Variants in STK32B observed in about 807,000 individuals in gnomAD.
STK32B encodes serine/threonine kinase 32B.
STK32B carries 43 observed loss-of-function variants against 52.6 expected under a neutral mutation model. The observed-to-expected ratio is 0.82, with a 90% CI of 0.64 to 1.05. STK32B has a LOEUF of 1.05. Among genes scored for constraint, STK32B ranks in the 50% least tolerant of loss-of-function variants. The pLI, the probability that STK32B is intolerant of heterozygous loss-of-function variation, is 0.00. For missense variants in STK32B, 621 were observed against 534.6 expected (o/e 1.16, Z -1.59); for synonymous variants, 238 against 204.3 (o/e 1.17, Z -1.41).
At chr4:5,251,039 C>T (rs188895895) in intron 3 of STK32B, among the ~76,000 whole-genome samples, 6 of 152,080 alleles carry the variant, frequency 3.9e-5, no homozygotes, top group South Asian at 2.1e-4. Flanking sequence ...GTTTCTTTTG[C>T]GGGACAGAAG....
At chr4:5,267,564 A>T (rs1380363808) in intron 3 of STK32B, among the ~76,000 whole-genome samples, 1 of 152,170 alleles carries the variant, frequency 6.6e-6, no homozygotes, top group Non-Finnish European at 1.5e-5. Context: ...GCTCCAGTAA[A>T]TTAAGTGACT....
chr4:5,072,169 A>G (rs1711824464), intron 1 of STK32B, among the ~76,000 whole-genome samples: 1 of 152,216 alleles, frequency 6.6e-6, no homozygotes, highest in Non-Finnish European at 1.5e-5. Context: ...ATAGTTATTT[A>G]AAATACCACT....
At chr4:5,085,683 A>G (rs1712693966) in intron 1 of STK32B, among the ~76,000 whole-genome samples, 1 of 152,220 alleles carries the variant, frequency 6.6e-6, no homozygotes, top group African/African-American at 2.4e-5. Context: ...AATTGTTAGA[A>G]GTAACTTTTT....
chr4:5,235,065 A>C (rs1724532410), intron 3 of STK32B, among the ~76,000 whole-genome samples: 1 of 152,186 alleles, frequency 6.6e-6, no homozygotes, highest in Admixed American at 6.5e-5. Flanking sequence ...TTCGTTTCTC[A>C]AGCAGTCTTG....
intron 2 of STK32B, among the ~76,000 whole-genome samples, chr4:5,156,274 G>A (rs1043588304): frequency 1.3e-5 from 2 of 150,764 alleles, no homozygotes; most frequent in African/African-American, 4.9e-5. Context: ...TAATATAAAT[G>A]CATGAATATT....
At chr4:5,042,724 G>A in the STK32B span, among the ~76,000 whole-genome samples, 5 of 152,322 alleles carry the variant, frequency 3.3e-5, no homozygotes, top group East Asian at 7.7e-4. Flanking sequence ...GGAATGGGAG[G>A]AAGTCCAGTT....
At position 5,216,041 on chromosome 4, in the gene STK32B, A is replaced by G. The variant is rs16836884; in HGVS notation, c.260+47591A>G. 5.7e-3 allele frequency among the ~76,000 whole-genome samples: 873 copies of G among 152,318 alleles called. 4 individuals carry two copies. The highest frequency in any genetic ancestry group is 0.019 in the African/African-American group (804 of 41,560). On this transcript the variant is annotated intron_variant, in intron 3 of 11. Transcript: ENST00000282908. ...CTAGTTTTGCTTTTTGTGGTTGCAGAGTGAAAGTCTTATCTATTAGACTGT... is the reference window on the plus strand; with the variant it reads ...CTAGTTTTGCTTTTTGTGGTTGCAGGGTGAAAGTCTTATCTATTAGACTGT...
intron 11 of STK32B, among the ~76,000 whole-genome samples, chr4:5,480,193 A>AT (rs1718578042): frequency 6.6e-6 from 1 of 152,118 alleles, no homozygotes; most frequent in Non-Finnish European, 1.5e-5. Flanking sequence ...TCTTCTTTTC[A>AT]TTTTTTAAAT....
chr4:5,228,368 A>C lies in STK32B; in HGVS notation c.260+59918A>C, dbSNP rs1002374048. On this transcript the variant is annotated intron_variant, in intron 3 of 11. Transcript: ENST00000282908. ...TATCATTGGAAACTGGCCATGCTGC[A>C]ATTTCTTCTGCTGACTTTTCACGCA... Among the ~76,000 whole-genome samples, 5 of 152,184 alleles carry C rather than the reference A, an allele frequency of 3.3e-5. No individual in the cohort carries two copies. The East Asian group carries it at 7.7e-4, about 23-fold the overall frequency.
chr4:5,225,497 C>T (rs1401989142), intron 3 of STK32B, among the ~76,000 whole-genome samples: 1 of 151,992 alleles, frequency 6.6e-6, no homozygotes, highest in Admixed American at 6.6e-5. Context: ...AAATAGCTTC[C>T]CCTTATCAGC....
chr4:5,302,258 A>T lies in STK32B; in HGVS notation c.261-28962A>T, dbSNP rs186899274. Among the ~76,000 whole-genome samples the T allele has an allele frequency of 9.2e-5, 14 of 151,794 alleles. No individual in the cohort carries two copies. The East Asian group carries it at 2.7e-3, about 29-fold the overall frequency. On this transcript the variant is annotated intron_variant, in intron 3 of 11. Transcript: ENST00000282908. ...ATATATGCTTTCAGTGTATCCCCAG[A>T]TTAACATTTTTCCTCATTTGTTTTA...
At chr4:5,392,247 G>A (rs1397079700) in intron 4 of STK32B, among the ~76,000 whole-genome samples, 1 of 152,094 alleles carries the variant, frequency 6.6e-6, no homozygotes, top group African/African-American at 2.4e-5. Context: ...CCAGCATGGT[G>A]ATACGCCGTC....
At chr4:5,404,897 C>T (rs530602708) in intron 5 of STK32B, among the ~76,000 whole-genome samples, 12 of 132,390 alleles carry the variant, frequency 9.1e-5, no homozygotes, top group Admixed American at 6.8e-4. Context: ...GATGGAGTCT[C>T]GTTCTGTCAC....
chr4:5,445,332 T>C lies in STK32B; in HGVS notation c.563-1341T>C, dbSNP rs568665575. Among the ~76,000 whole-genome samples, 91 of 152,220 alleles carry C rather than the reference T, an allele frequency of 6.0e-4. 1 individual carries two copies. In the South Asian group the frequency reaches 0.018, roughly 31 times the overall value. On this transcript the variant is annotated intron_variant, in intron 6 of 11. Transcript: ENST00000282908. Reference sequence around the variant, plus strand: ...AGTGAATGCCCATCTAGAAACTGAGTTGAGACAGCTTTAATCACAACAGTA... The same window carrying C: ...AGTGAATGCCCATCTAGAAACTGAGCTGAGACAGCTTTAATCACAACAGTA...
chr4:5,037,575 A>ATTAG, the STK32B span, among the ~76,000 whole-genome samples: 1 of 152,166 alleles, frequency 6.6e-6, no homozygotes, highest in Admixed American at 6.5e-5. Context: ...CAATTACTCT[A>ATTAG]CAGATAAAGG....
intron 6 of STK32B, among the ~76,000 whole-genome samples, chr4:5,419,714 G>A (rs1440490380): frequency 6.6e-6 from 1 of 152,162 alleles, no homozygotes; most frequent in Non-Finnish European, 1.5e-5. Flanking sequence ...TATTTTGAGG[G>A]TTGTAAGGAG....
chr4:5,389,742 G>T (rs1736481548), intron 4 of STK32B, among the ~76,000 whole-genome samples: 1 of 151,668 alleles, frequency 6.6e-6, no homozygotes, highest in Non-Finnish European at 1.5e-5. Flanking sequence ...CCCCAAAGAT[G>T]CCACATCCTA....
intron 3 of STK32B, among the ~76,000 whole-genome samples, chr4:5,316,422 CATATATA>C (rs1403711985): frequency 1.3e-4 from 2 of 15,468 alleles, no homozygotes; most frequent in Non-Finnish European, 1.6e-4. Context: ...ATATATATTA[CATATATA>C]ATATATAATA....
At chr4:5,448,173 C>G (rs968994961) in intron 7 of STK32B, among the ~76,000 whole-genome samples, 1 of 152,198 alleles carries the variant, frequency 6.6e-6, no homozygotes, top group Non-Finnish European at 1.5e-5. Context: ...TCAGTTATTT[C>G]CCCTGAATTC....
Sources: allele counts gnomAD v4.1 joint callset (sites outside exome capture counted in the v4.1 genomes callset), GRCh38; gene constraint gnomAD v4.1.1; transcripts MANE v1.5; gene names NCBI Gene and HGNC (gene_info 2026-07-23, HGNC 2026-07-21).